ZRANB3: variants seen among roughly 807,000 people sequenced by gnomAD.
The protein encoded by ZRANB3 is DNA annealing helicase and endonuclease ZRANB3.
In ZRANB3, 125 loss-of-function variants were observed where a neutral mutation model predicts 133.8. The ratio of observed to expected loss-of-function variants is 0.93; its 90% confidence interval spans 0.81 to 1.08. The LOEUF is 1.08. ZRANB3 is among the 50% of genes least tolerant of loss of function. The pLI is 0.00. For missense variants in ZRANB3, 1,229 were observed against 1,275.5 expected (o/e 0.96, Z 0.56); for synonymous variants, 387 against 432.7 (o/e 0.89, Z 1.31).
At chr2:135,290,985 C>G (rs945769690) in intron 8 of ZRANB3, among the ~76,000 whole-genome samples, 1 of 152,118 alleles carries the variant, frequency 6.6e-6, no homozygotes, top group Non-Finnish European at 1.5e-5. Flanking sequence ...TCACTGCAAC[C>G]TCTGCCTCCC....
intron 2 of ZRANB3, among the ~76,000 whole-genome samples, chr2:135,426,877 T>A (rs1472463940): frequency 2.7e-4 from 10 of 37,488 alleles, no homozygotes; most frequent in African/African-American, 1.1e-3. Flanking sequence ...TATATATATA[T>A]ATATATATAT....
chr2:135,223,475 G>T (rs1694635934), intron 15 of ZRANB3, among the ~76,000 whole-genome samples: 1 of 151,442 alleles, frequency 6.6e-6, no homozygotes, highest in Non-Finnish European at 1.5e-5. Context: ...AAAGGCACTT[G>T]CTACCACACC....
intron 2 of ZRANB3, among the ~76,000 whole-genome samples, chr2:135,437,724 C>A (rs1262181536): frequency 2.6e-5 from 4 of 152,094 alleles, no homozygotes; most frequent in Non-Finnish European, 5.9e-5. Context: ...AATTTCAATT[C>A]TCATAAAAAA....
At chr2:135,463,824 A>G in intron 2 of ZRANB3, among the ~76,000 whole-genome samples, 1 of 152,240 alleles carries the variant, frequency 6.6e-6, no homozygotes, top group East Asian at 1.9e-4. Context: ...GTACCTTAGA[A>G]CTAGTCACAA....
chr2:135,250,599 C>T (rs1039531394), intron 12 of ZRANB3, among the ~76,000 whole-genome samples: 1 of 152,246 alleles, frequency 6.6e-6, no homozygotes, highest in African/African-American at 2.4e-5. Flanking sequence ...TGGTTCCCTG[C>T]ATCCCAGCTG....
chr2:135,371,162 A>G (rs750269555), intron 3 of ZRANB3, among the ~76,000 whole-genome samples: 2 of 152,230 alleles, frequency 1.3e-5, no homozygotes, highest in Non-Finnish European at 2.9e-5. Context: ...ATTTAAGCTC[A>G]TTACTCAAAA....
intron 6 of ZRANB3, among the ~76,000 whole-genome samples, chr2:135,329,434 C>T (rs1403597190): frequency 6.6e-6 from 1 of 152,168 alleles, no homozygotes; most frequent in Non-Finnish European, 1.5e-5. Flanking sequence ...GTTTTGGTAC[C>T]AGTACCATGC....
At chr2:135,515,257 T>C (rs180742530) in intron 1 of ZRANB3, among the ~76,000 whole-genome samples, 1 of 152,274 alleles carries the variant, frequency 6.6e-6, no homozygotes, top group East Asian at 1.9e-4. Flanking sequence ...GCCGTGAATC[T>C]GTCTGGTCCT....
intron 8 of ZRANB3, among the ~76,000 whole-genome samples, chr2:135,277,457 T>C (rs953664556): frequency 2.0e-5 from 3 of 151,984 alleles, no homozygotes; most frequent in African/African-American, 4.8e-5. Context: ...GGATCACATA[T>C]ACAGAGCTAA....
intron 2 of ZRANB3, among the ~76,000 whole-genome samples, chr2:135,479,941 T>G (rs1691689696): frequency 6.6e-6 from 1 of 151,962 alleles, no homozygotes; most frequent in Admixed American, 6.6e-5. Context: ...TAATTCATAT[T>G]TTCTTTTTTT....
At chr2:135,408,595 A>G (rs1688155131) in intron 2 of ZRANB3, among the ~76,000 whole-genome samples, 1 of 152,174 alleles carries the variant, frequency 6.6e-6, no homozygotes, top group Non-Finnish European at 1.5e-5. Flanking sequence ...ACAATGATAG[A>G]CTGGATTAAG....
At position 135,432,729 on chromosome 2, in the gene ZRANB3, G is replaced by A. The variant is rs114639227; in HGVS notation, c.162-41909C>T. Among the ~76,000 whole-genome samples the A allele has an allele frequency of 3.2e-3, 487 of 152,182 alleles. 2 individuals carry two copies. Among genetic ancestry groups the A allele is most frequent in the African/African-American group, 0.01 (430 of 41,516 alleles). ...CCCAAACAGGAACGTCTGAAATGTA[G>A]GACAGTCTTATCTAAAATGTCTCAA... On this transcript the variant is annotated intron_variant, in intron 2 of 20. Coordinates refer to ENST00000264159, the MANE Select transcript of ZRANB3 (RefSeq NM_032143.4).
intron 6 of ZRANB3, among the ~76,000 whole-genome samples, chr2:135,319,499 C>T (rs769920477): frequency 6.6e-6 from 1 of 152,126 alleles, no homozygotes; most frequent in Non-Finnish European, 1.5e-5. Flanking sequence ...CTGTCATACT[C>T]TGTGTGTGTA....
At chr2:135,374,372 C>A (rs1686324996) in intron 3 of ZRANB3, among the ~76,000 whole-genome samples, 1 of 152,040 alleles carries the variant, frequency 6.6e-6, no homozygotes, top group South Asian at 2.1e-4. Flanking sequence ...CGCCACTACA[C>A]TCCAGCCTGG....
chr2:135,331,069 T>C (rs1483864697), intron 6 of ZRANB3, among the ~76,000 whole-genome samples: 1 of 152,210 alleles, frequency 6.6e-6, no homozygotes, highest in Non-Finnish European at 1.5e-5. Flanking sequence ...AGTTCTGCTC[T>C]GATATTAGTT....
At chr2:135,232,329 A>G (rs1695065956) in intron 12 of ZRANB3, among the ~76,000 whole-genome samples, 1 of 152,228 alleles carries the variant, frequency 6.6e-6, no homozygotes, top group Non-Finnish European at 1.5e-5. Flanking sequence ...CAGCTCAAGG[A>G]GGCCTGCCTG....
At chr2:135,392,974 G>A (rs1687311199) in intron 2 of ZRANB3, among the ~76,000 whole-genome samples, 1 of 151,406 alleles carries the variant, frequency 6.6e-6, no homozygotes, top group Non-Finnish European at 1.5e-5. Flanking sequence ...GACCTCTAAT[G>A]ATCCTACCAC....
chr2:135,506,586 TA>T (rs1387153857), intron 1 of ZRANB3, among the ~76,000 whole-genome samples: 4 of 152,196 alleles, frequency 2.6e-5, no homozygotes, highest in Admixed American at 2.0e-4. Flanking sequence ...AAATTAAAAT[TA>T]AAAATTCAGT....
In ZRANB3 at chr2:135,278,219, G is replaced by A. The variant is rs529043471; in HGVS notation, c.967-2464C>T. ...CTGGGACAAAGAAATGATTCTATAA[G>A]CTTCCAGAAAAGCGAAGAAAAGATT... On this transcript the variant is annotated intron_variant, in intron 8 of 20. Transcript: ENST00000264159. Among the ~76,000 whole-genome samples, 27 of 152,178 alleles carry A rather than the reference G, an allele frequency of 1.8e-4. No individual in the cohort carries two copies. In the East Asian group the frequency reaches 5.0e-3, roughly 28 times the overall value.
Sources: gnomAD v4.1 joint callset for allele counts (sites outside exome capture counted in the v4.1 genomes callset) on GRCh38, gnomAD v4.1.1 for gene constraint, MANE v1.5 for transcripts, NCBI Gene and HGNC (gene_info 2026-07-23, HGNC 2026-07-21) for gene names.